Variants in ERCC1 observed in about 807,000 individuals in gnomAD.
ERCC1 encodes DNA excision repair protein ERCC-1.
ERCC1 carries 36 observed loss-of-function variants against 37.6 expected under a neutral mutation model. That is an observed-to-expected ratio of 0.96 (90% confidence interval 0.73 to 1.26). The LOEUF is 1.26. ERCC1 is among the 50% of genes most tolerant of loss of function. The probability of loss-of-function intolerance (pLI) is 0.00; values close to 1 mark genes in which losing one functional copy is unlikely to be tolerated. For synonymous variants in ERCC1, 156 were observed against 162.1 expected (o/e 0.96, Z 0.28); for missense variants, 349 against 376.5 (o/e 0.93, Z 0.60).
chr19:45,429,307 A>C (rs1368100817), intron 1 of ERCC1: 1 of 152,206 alleles, frequency 6.6e-6, no homozygotes, highest in Non-Finnish European at 1.5e-5. Context: ...CTAAAAACAC[A>C]AAATTAGCCA....
intron 1 of ERCC1, among the ~76,000 whole-genome samples, chr19:45,433,699 A>G (rs1215485893): frequency 6.6e-6 from 1 of 151,896 alleles, no homozygotes; most frequent in East Asian, 1.9e-4. Context: ...AAAAAAAAAA[A>G]AAAAAGAATC....
chr19:45,432,717 A>G (rs1434328524), intron 1 of ERCC1, among the ~76,000 whole-genome samples: 1 of 152,104 alleles, frequency 6.6e-6, no homozygotes, highest in Non-Finnish European at 1.5e-5. Context: ...GCTTTTATTT[A>G]TTTTTGTAGA....
At chr19:45,434,578 T>C (rs1238342311) in intron 1 of ERCC1, among the ~76,000 whole-genome samples, 1 of 152,002 alleles carries the variant, frequency 6.6e-6, no homozygotes, top group Non-Finnish European at 1.5e-5. Context: ...TCTTACAGCA[T>C]TTTTTTGTTT....
chr19:45,450,899 C>CAA (rs1967098698), intron 1 of ERCC1, among the ~76,000 whole-genome samples: 1 of 96,586 alleles, frequency 1.0e-5, no homozygotes, highest in Non-Finnish European at 2.8e-5. Flanking sequence ...CCCCCCCCCC[C>CAA]CCCCCCACGC....
intron 1 of ERCC1, among the ~76,000 whole-genome samples, chr19:45,438,646 A>G (rs1436895724): frequency 6.7e-6 from 1 of 148,500 alleles, no homozygotes; most frequent in African/African-American, 2.5e-5. Context: ...ATTTATTATT[A>G]TTATTATTTT....
chr19:45,409,147 AG>A lies in ERCC1; in HGVS notation c.*527del. ...AGAAGACGAAGAAAGAAAAACAGCAAGATGCCACAGTGGAGCCAGAGACAGA... is the reference window on the plus strand; with the variant it reads ...AGAAGACGAAGAAAGAAAAACAGCAAATGCCACAGTGGAGCCAGAGACAGA... On this transcript the variant is annotated 3_prime_UTR_variant, in exon 10 of 10. Transcript: ENST00000300853. 1 of 1,613,138 alleles carries A rather than the reference AG, an allele frequency of 6.2e-7. No individual in the cohort carries two copies. Among genetic ancestry groups the A allele is most frequent in the Non-Finnish European group, 8.5e-7 (1 of 1,179,398 alleles).
intron 1 of ERCC1, among the ~76,000 whole-genome samples, chr19:45,444,047 C>G (rs2123612188): frequency 6.7e-6 from 1 of 148,944 alleles, no homozygotes; most frequent in Middle Eastern, 3.5e-3. Flanking sequence ...TCAACTACCC[C>G]CACTATCCTG....
chr19:45,430,199 G>A (rs1410702771), intron 1 of ERCC1, among the ~76,000 whole-genome samples: 1 of 152,194 alleles, frequency 6.6e-6, no homozygotes, highest in Non-Finnish European at 1.5e-5. Flanking sequence ...CACAGGACAG[G>A]CCTTGGGATA....
At chr19:45,416,077 G>A (rs1974053071) in intron 6 of ERCC1, among the ~76,000 whole-genome samples, 1 of 152,034 alleles carries the variant, frequency 6.6e-6, no homozygotes, top group Admixed American at 6.6e-5. Context: ...TGAGGCTTCA[G>A]TAACCTGTGA....
intron 7 of ERCC1, chr19:45,414,635 G>A: frequency 1.9e-6 from 1 of 517,614 alleles, no homozygotes; most frequent in Non-Finnish European, 3.5e-6. Context: ...TGAGAAGTCT[G>A]GGCTTTCTCT....
intron 1 of ERCC1, among the ~76,000 whole-genome samples, chr19:45,443,019 G>T (rs544093610): frequency 2.0e-5 from 3 of 152,142 alleles, no homozygotes; most frequent in Non-Finnish European, 1.5e-5. Context: ...TGCCCCGCGG[G>T]GGGGATGAAG....
chr19:45,451,184 C>G (rs898716803), intron 1 of ERCC1, among the ~76,000 whole-genome samples: 8 of 152,260 alleles, frequency 5.3e-5, no homozygotes, highest in Admixed American at 2.0e-4. Context: ...CGCCTCCGCT[C>G]GGGTATCTGT....
chr19:45,421,154 T>C (rs2123519695), intron 3 of ERCC1, 24 bp downstream of exon 3: 3 of 1,608,498 alleles, frequency 1.9e-6, no homozygotes, highest in Non-Finnish European at 2.6e-6. Context: ...CCTCAAGGCC[T>C]CACTTCTCCG....
chr19:45,411,671 G>A (rs1973743946), intron 9 of ERCC1, among the ~76,000 whole-genome samples: 1 of 151,904 alleles, frequency 6.6e-6, no homozygotes, highest in African/African-American at 2.4e-5. Flanking sequence ...GCGAGTGCCT[G>A]TAATCCCATC....
rs1195136608 is a variant in ERCC1 at position 45,415,635 on chromosome 19, C to CAGA, written c.603-676_603-675insTCT. ...TGGGCGACAGAGCCAGACTCCGTCT[C>CAGA]AAAAAAAAAAAAAAAAAAAAAAACA... On this transcript the variant is annotated intron_variant, in intron 6 of 9. Transcript: ENST00000300853. 3.1e-3 allele frequency among the ~76,000 whole-genome samples: 145 copies of CAGA among 46,724 alleles called. 1 individual carries two copies. Among genetic ancestry groups the CAGA allele is most frequent in the African/African-American group, 0.011 (139 of 12,430 alleles). 30.7% of individuals were successfully genotyped at this position (46,724 alleles called of 152,430 possible). A position where few individuals can be genotyped will look rare whatever the true frequency, so the allele number is the denominator to read the frequency against.
At chr19:45,448,030 C>A (rs1967001948) in intron 1 of ERCC1, among the ~76,000 whole-genome samples, 2 of 152,302 alleles carry the variant, frequency 1.3e-5, no homozygotes, top group Admixed American at 1.3e-4. Context: ...TGCCACCAAG[C>A]CTGGCTAATT....
chr19:45,408,779 C>G lies in ERCC1; in HGVS notation c.*896G>C. 2 of 1,613,746 alleles carry G rather than the reference C, an allele frequency of 1.2e-6. No individual in the cohort carries two copies. The highest frequency in any genetic ancestry group is 1.7e-6 in the Non-Finnish European group (2 of 1,179,950). ...CGAGCCAGAAGACAAGACAGTGAAG[C>G]AGGAACAGATTAACACTGAGCCTCT... On this transcript the variant is annotated 3_prime_UTR_variant, in exon 10 of 10. Coordinates refer to ENST00000300853, the MANE Select transcript of ERCC1 (RefSeq NM_001983.4).
At chr19:45,431,769 C>G (rs970057590) in intron 1 of ERCC1, among the ~76,000 whole-genome samples, 5 of 151,322 alleles carry the variant, frequency 3.3e-5, no homozygotes, top group Non-Finnish European at 7.4e-5. Context: ...CGCGTGCCTA[C>G]GTTCTCAGCT....
In ERCC1 at chr19:45,421,104, G is replaced by C. The variant is rs3212948; in HGVS notation, c.321+74C>G. 520,692 of 1,245,936 alleles carry C rather than the reference G, an allele frequency of 0.42. 123,611 individuals are homozygous for C. Among genetic ancestry groups the C allele is most frequent in the African/African-American group, 0.86 (58,590 of 68,156 alleles). 77.2% of individuals were successfully genotyped at this position (1,245,936 alleles called of 1,614,324 possible). A position where few individuals can be genotyped will look rare whatever the true frequency, so the allele number is the denominator to read the frequency against. On this transcript the variant is annotated intron_variant, in intron 3 of 9. Transcript: ENST00000300853. ...AAGTGGCTGGAACTCAGACCTCCTT[G>C]CACTGGAGTCATCCCTAGAACAGCG...
Sources: gnomAD v4.1 joint callset for allele counts (sites outside exome capture counted in the v4.1 genomes callset) on GRCh38, gnomAD v4.1.1 for gene constraint, MANE v1.5 for transcripts, NCBI Gene and HGNC (gene_info 2026-07-23, HGNC 2026-07-21) for gene names.